PPP1R14C: variants seen among roughly 807,000 people sequenced by gnomAD.
PPP1R14C encodes the protein protein phosphatase 1 regulatory inhibitor subunit 14C.
PPP1R14C carries 16 observed loss-of-function variants against 20.4 expected under a neutral mutation model. The ratio of observed to expected loss-of-function variants is 0.78; its 90% confidence interval spans 0.53 to 1.19. The LOEUF (loss-of-function observed/expected upper bound fraction) is 1.19. PPP1R14C is among the 50% of genes most tolerant of loss of function. PPP1R14C has a pLI of 0.00. For synonymous variants in PPP1R14C, 91 were observed against 91.0 expected (o/e 1.00, Z 0.00); for missense variants, 211 against 220.1 (o/e 0.96, Z 0.26).
At position 150,200,171 on chromosome 6, in the gene PPP1R14C, G is replaced by GATATATAT. The variant is rs145406314; in HGVS notation, c.307-14567_307-14560dup. 8.7e-3 allele frequency among the ~76,000 whole-genome samples: 1,288 copies of GATATATAT among 147,998 alleles called. 22 individuals carry two copies. The highest frequency in any genetic ancestry group is 0.031 in the African/African-American group (1,231 of 40,318). On this transcript the variant is annotated intron_variant, in intron 1 of 3. Coordinates refer to ENST00000361131, the MANE Select transcript of PPP1R14C (RefSeq NM_030949.3). ...TATTAATATTTGAGGGCTTTTATAG[G>GATATATAT]ATATATATATATACACACACACATA...
intron 1 of PPP1R14C, among the ~76,000 whole-genome samples, chr6:150,206,286 T>G (rs977331876): frequency 6.6e-6 from 1 of 152,228 alleles, no homozygotes; most frequent in Admixed American, 6.5e-5. Flanking sequence ...CTGTACGTAT[T>G]GTACTTATTT....
intron 1 of PPP1R14C, among the ~76,000 whole-genome samples, chr6:150,144,641 T>G (rs1777162090): frequency 6.6e-6 from 1 of 152,368 alleles, no homozygotes; most frequent in East Asian, 1.9e-4. Context: ...GTTCTGTATT[T>G]GACACATTTC....
intron 1 of PPP1R14C, among the ~76,000 whole-genome samples, chr6:150,209,675 ATGTT>A (rs199782562): frequency 0.028 from 4,008 of 144,888 alleles, 82 homozygotes; most frequent in Middle Eastern, 0.035. Context: ...CATGGAGTGT[ATGTT>A]TGTGTATGTA....
chr6:150,198,058 C>T (rs564625202), intron 1 of PPP1R14C, among the ~76,000 whole-genome samples: 3 of 43,954 alleles, frequency 6.8e-5, no homozygotes, highest in East Asian at 3.9e-4. Context: ...TGCCCCTGGC[C>T]GCCACGGTGG....
At chr6:150,210,353 C>G (rs1327355559) in intron 1 of PPP1R14C, among the ~76,000 whole-genome samples, 1 of 152,240 alleles carries the variant, frequency 6.6e-6, no homozygotes, top group Non-Finnish European at 1.5e-5. Flanking sequence ...CCCCCGATCC[C>G]TCATCCAGTT....
At chr6:150,210,231 C>G (rs756361454) in intron 1 of PPP1R14C, among the ~76,000 whole-genome samples, 2 of 152,134 alleles carry the variant, frequency 1.3e-5, no homozygotes, top group Non-Finnish European at 2.9e-5. Context: ...CAAGCCTACA[C>G]TGTGTGTTGG....
rs554839440 is a variant in PPP1R14C, at chr6:150,211,822, G to T, written c.307-2922G>T. On this transcript the variant is annotated intron_variant, in intron 1 of 3. Transcript: ENST00000361131. ...GGGACGCATGCTGAGCTGGGAGCGGGATGCCTTTCTCTTCCTATGCCTCTG... is the reference window on the plus strand; with the variant it reads ...GGGACGCATGCTGAGCTGGGAGCGGTATGCCTTTCTCTTCCTATGCCTCTG... Among the ~76,000 whole-genome samples, 3 of 152,172 alleles carry T rather than the reference G, an allele frequency of 2.0e-5. No homozygotes were observed. In the South Asian group the frequency reaches 6.2e-4, roughly 32 times the overall value.
intron 1 of PPP1R14C, among the ~76,000 whole-genome samples, chr6:150,182,253 C>T (rs1053134383): frequency 1.3e-5 from 2 of 152,142 alleles, no homozygotes; most frequent in Admixed American, 6.5e-5. Flanking sequence ...AGCTGTGTAC[C>T]GTGAGACAAA....
intron 1 of PPP1R14C, among the ~76,000 whole-genome samples, chr6:150,189,766 T>C (rs1021228751): frequency 1.3e-5 from 2 of 152,200 alleles, no homozygotes; most frequent in African/African-American, 4.8e-5. Context: ...TGATACAGAA[T>C]GCTTTATTAT....
chr6:150,148,835 T>G (rs1248982354), intron 1 of PPP1R14C, among the ~76,000 whole-genome samples: 3 of 152,144 alleles, frequency 2.0e-5, no homozygotes, highest in African/African-American at 7.2e-5. Flanking sequence ...ATCCCAGCAC[T>G]GACGGATCGC....
At chr6:150,246,809 T>C (rs1051695597) in intron 3 of PPP1R14C, among the ~76,000 whole-genome samples, 1 of 152,192 alleles carries the variant, frequency 6.6e-6, no homozygotes, top group Non-Finnish European at 1.5e-5. Context: ...ACAAAAAGAT[T>C]ATATAACCAC....
intron 1 of PPP1R14C, chr6:150,194,580 G>A: frequency 1.0e-6 from 1 of 978,324 alleles, no homozygotes; most frequent in Non-Finnish European, 1.2e-6. Flanking sequence ...ATGCAAAAAT[G>A]ATTAAATAGT....
At chr6:150,206,651 G>A (rs1777955189) in intron 1 of PPP1R14C, among the ~76,000 whole-genome samples, 1 of 152,154 alleles carries the variant, frequency 6.6e-6, no homozygotes, top group Non-Finnish European at 1.5e-5. Context: ...GGTCCCTGCC[G>A]GGAGCTCTCC....
Position 150,236,613 on chromosome 6 carries a change from C to CTGTGTGTGTGTGTGTGTGTG in PPP1R14C, c.424-12126_424-12107dup, listed in dbSNP as rs142109127. ...AAGCGGAGGGAGGTGGTTGGTGCCACTGTGTGTGTGTGTGTGTGTGTGTGT... is the reference window on the plus strand; with the variant it reads ...AAGCGGAGGGAGGTGGTTGGTGCCACTGTGTGTGTGTGTGTGTGTGTGTGTGTGTGTGTGTGTGTGTGTGT... On this transcript the variant is annotated intron_variant, in intron 3 of 3. Transcript: ENST00000361131. Among the ~76,000 whole-genome samples, 995 of 144,480 alleles carry CTGTGTGTGTGTGTGTGTGTG rather than the reference C, an allele frequency of 6.9e-3. 8 individuals are homozygous for CTGTGTGTGTGTGTGTGTGTG. The highest frequency in any genetic ancestry group is 0.013 in the African/African-American group (491 of 38,470). 94.8% of individuals were successfully genotyped at this position (144,480 alleles called of 152,430 possible).
At chr6:150,183,910 C>T (rs1015637856) in intron 1 of PPP1R14C, among the ~76,000 whole-genome samples, 4 of 152,194 alleles carry the variant, frequency 2.6e-5, no homozygotes, top group Admixed American at 1.3e-4. Context: ...TTTTAAACAT[C>T]TGAGAGAAAC....
Position 150,248,863 on chromosome 6 carries a change from C to A in PPP1R14C, c.*43C>A. 3 of 1,334,870 alleles carry A rather than the reference C, an allele frequency of 2.2e-6. No individual in the cohort carries two copies. Among genetic ancestry groups the A allele is most frequent in the Non-Finnish European group, 3.2e-6 (3 of 936,320 alleles). The allele number at this position is 1,334,870 out of a possible 1,614,324, so 82.7% of individuals were successfully genotyped here. ...ACTCTCCCAGAGACGAAGAAAGAGT[C>A]CTGGGATTTGTACTTCATGAAGACT... is the stretch of plus-strand genomic sequence containing the variant. On this transcript the variant is annotated 3_prime_UTR_variant, in exon 4 of 4. Coordinates refer to ENST00000361131, the MANE Select transcript of PPP1R14C (RefSeq NM_030949.3).
At chr6:150,231,977 C>T (rs973782702) in intron 3 of PPP1R14C, among the ~76,000 whole-genome samples, 4 of 152,140 alleles carry the variant, frequency 2.6e-5, no homozygotes, top group African/African-American at 9.7e-5. Context: ...TCCTTGTGTA[C>T]AAGACTTTCT....
chr6:150,159,381 G>A (rs1203055489), intron 1 of PPP1R14C, among the ~76,000 whole-genome samples: 4 of 152,164 alleles, frequency 2.6e-5, no homozygotes, highest in African/African-American at 9.7e-5. Context: ...AGCCACTGCT[G>A]TGTGGCTTGT....
Position 150,151,977 on chromosome 6 carries a change from G to A in PPP1R14C, c.306+8479G>A, listed in dbSNP as rs550103642. ...CTACTAAAAATACAAAAAATTAGCCGGGCGTAGTGGCGGGCGCCTGTAGTC... is the reference window on the plus strand; with the variant it reads ...CTACTAAAAATACAAAAAATTAGCCAGGCGTAGTGGCGGGCGCCTGTAGTC... On this transcript the variant is annotated intron_variant, in intron 1 of 3. Transcript: ENST00000361131. Among the ~76,000 whole-genome samples, 721 of 152,080 alleles carry A rather than the reference G, an allele frequency of 4.7e-3. 4 individuals are homozygous for A. The highest frequency in any genetic ancestry group is 0.017 in the African/African-American group (685 of 41,504).
Sources: allele counts gnomAD v4.1 joint callset (sites outside exome capture counted in the v4.1 genomes callset), GRCh38; gene constraint gnomAD v4.1.1; transcripts MANE v1.5; gene names NCBI Gene and HGNC (gene_info 2026-07-23, HGNC 2026-07-21).